The following TTLL11 variants were observed in gnomAD, a reference collection of about 807,000 sequenced individuals.
TTLL11 encodes the protein tubulin tyrosine ligase like 11.
Under a neutral mutation model 51.7 loss-of-function variants are expected in TTLL11, and 42 were observed. That is an observed-to-expected ratio of 0.81 (90% CI 0.64 to 1.05). The LOEUF (loss-of-function observed/expected upper bound fraction) is 1.05, where lower values mean the gene tolerates loss of function less well. Among genes scored for constraint, TTLL11 ranks in the 50% least tolerant of loss-of-function variants. The pLI is 0.00. For missense variants in TTLL11, 799 were observed against 940.4 expected (o/e 0.85, Z 1.97); for synonymous variants, 381 against 383.5 (o/e 0.99, Z 0.08).
intron 1 of TTLL11, among the ~76,000 whole-genome samples, chr9:122,064,170 C>T (rs1165284460): frequency 2.0e-5 from 3 of 152,128 alleles, no homozygotes; most frequent in Non-Finnish European, 2.9e-5. Flanking sequence ...CATTTTCCTT[C>T]TCAGCACCAA....
At position 121,989,886 on chromosome 9, in the gene TTLL11, C is replaced by T. The variant is rs1233257643; in HGVS notation, c.694-116G>A. ...GAGTGACAAGATGATCCCTGCCGAT[C>T]TGAGCAGGGGCTGAGCATCTTCCAT... is the stretch of plus-strand genomic sequence containing the variant. On this transcript the variant is annotated intron_variant, in intron 3 of 8. Coordinates refer to ENST00000321582, the MANE Select transcript of TTLL11 (RefSeq NM_001139442.2). This position sits in a 1 kb window ranked among gnomAD's most constrained non-coding sequence, Gnocchi z 4.2. The T allele has an allele frequency of 3.3e-6, 5 of 1,500,588 alleles. No homozygotes were observed. The highest frequency in any genetic ancestry group is 4.5e-5 in the East Asian group (2 of 44,010). The allele number at this position is 1,500,588 out of a possible 1,614,324, so 93.0% of individuals were successfully genotyped here.
rs1037468845 is a variant in TTLL11, at chr9:121,942,747, T to A, written c.1481+31262A>T. 8.7e-3 allele frequency among the ~76,000 whole-genome samples: 1,112 copies of A among 127,654 alleles called. 10 individuals are homozygous for A. Among genetic ancestry groups the A allele is most frequent in the African/African-American group, 0.038 (1,062 of 28,186 alleles). The allele number at this position is 127,654 out of a possible 152,430, so 83.7% of individuals were successfully genotyped here. On this transcript the variant is annotated intron_variant, in intron 6 of 8. Coordinates refer to ENST00000321582, the MANE Select transcript of TTLL11 (RefSeq NM_001139442.2). Reference sequence around the variant, plus strand: ...GTTTCTAATCTGTCTTATTTTTTTTTTTTTTTTTTTTTTTGCCTGAATATA... The same window carrying A: ...GTTTCTAATCTGTCTTATTTTTTTTATTTTTTTTTTTTTTGCCTGAATATA...
rs1387425682 is a variant in TTLL11, at chr9:121,980,355, C to T, written c.1270-5376G>A. Among the ~76,000 whole-genome samples, 4 of 152,272 alleles carry T rather than the reference C, an allele frequency of 2.6e-5. No individual in the cohort carries two copies. The East Asian group carries it at 5.8e-4, about 22-fold the overall frequency. On this transcript the variant is annotated intron_variant, in intron 4 of 8. Transcript: ENST00000321582. ...AGACTATAAAATAAGGAAATATCCT[C>T]GTGCCTTACCTCTTTCATAGTAAGG...
chr9:122,076,717 C>CAAAAAAAAAA (rs577577338), intron 1 of TTLL11, among the ~76,000 whole-genome samples: 1 of 101,518 alleles, frequency 9.9e-6, no homozygotes. Flanking sequence ...AGATCACCAT[C>CAAAAAAAAAA]AAAAAAAAAA....
At chr9:121,953,314 T>C (rs1841904798) in intron 6 of TTLL11, among the ~76,000 whole-genome samples, 1 of 152,090 alleles carries the variant, frequency 6.6e-6, no homozygotes, top group Non-Finnish European at 1.5e-5. Context: ...GTGGGTCAAA[T>C]GCCAATAAGA....
chr9:122,043,222 G>A (rs1250577353), intron 1 of TTLL11, among the ~76,000 whole-genome samples: 1 of 152,012 alleles, frequency 6.6e-6, no homozygotes, highest in Non-Finnish European at 1.5e-5. Flanking sequence ...ATTTTGCTGT[G>A]AACCAAAAAT....
chr9:121,993,200 GGAT>G (rs1419651732), intron 3 of TTLL11, among the ~76,000 whole-genome samples: 5 of 152,286 alleles, frequency 3.3e-5, no homozygotes, highest in African/African-American at 1.2e-4. Flanking sequence ...TTCTGGACAT[GGAT>G]GATAGTTGTA....
chr9:121,975,578 G>GGCGC (rs1842686177), intron 4 of TTLL11, among the ~76,000 whole-genome samples: 1 of 152,138 alleles, frequency 6.6e-6, no homozygotes, highest in Non-Finnish European at 1.5e-5. Flanking sequence ...TGGGTGTCGT[G>GGCGC]GCGCGAATCT....
intron 7 of TTLL11, among the ~76,000 whole-genome samples, chr9:121,861,323 C>T (rs988054373): frequency 6.6e-6 from 1 of 152,110 alleles, no homozygotes; most frequent in African/African-American, 2.4e-5. Context: ...GTGATCCGCC[C>T]GCCTCGGCCT....
At chr9:121,992,699 T>A (rs1843149113) in intron 3 of TTLL11, among the ~76,000 whole-genome samples, 1 of 152,208 alleles carries the variant, frequency 6.6e-6, no homozygotes, top group South Asian at 2.1e-4. Flanking sequence ...TCCATTACCT[T>A]GTAACGGTAT....
intron 6 of TTLL11, among the ~76,000 whole-genome samples, chr9:121,904,081 G>A (rs1839853488): frequency 6.6e-6 from 1 of 152,180 alleles, no homozygotes; most frequent in African/African-American, 2.4e-5. Context: ...TTCTCTTGGG[G>A]GAACAGCATT....
chr9:121,876,275 C>A (rs1391721725), intron 6 of TTLL11, among the ~76,000 whole-genome samples: 1 of 152,238 alleles, frequency 6.6e-6, no homozygotes, highest in Admixed American at 6.5e-5. Flanking sequence ...CAGAAATTAA[C>A]AGAGAAGTAG....
chr9:121,867,371 C>T (rs935113433), intron 7 of TTLL11, among the ~76,000 whole-genome samples: 5 of 152,166 alleles, frequency 3.3e-5, no homozygotes, highest in African/African-American at 1.2e-4. Context: ...CACAGCCAGC[C>T]TTCCCTCCCC....
intron 1 of TTLL11, among the ~76,000 whole-genome samples, chr9:122,089,813 G>C (rs1288114094): frequency 1.3e-5 from 2 of 152,070 alleles, no homozygotes; most frequent in Non-Finnish European, 2.9e-5. Flanking sequence ...TTTAGAGACA[G>C]GGTCTTGCTC....
intron 1 of TTLL11, among the ~76,000 whole-genome samples, chr9:122,046,662 CTTTTCTCT>C (rs939718254): frequency 1.3e-5 from 2 of 152,154 alleles, no homozygotes; most frequent in Non-Finnish European, 2.9e-5. Flanking sequence ...GTCATCTTTC[CTTTTCTCT>C]TCTTCAGACA....
Position 121,833,315 on chromosome 9 carries a change from A to G in TTLL11, c.1841-10436T>C, listed in dbSNP as rs115279688. Among the ~76,000 whole-genome samples, 378 of 152,276 alleles carry G rather than the reference A, an allele frequency of 2.5e-3. 1 individual carries two copies. The highest frequency in any genetic ancestry group is 8.6e-3 in the African/African-American group (356 of 41,562). On this transcript the variant is annotated intron_variant, in intron 8 of 8. Coordinates refer to ENST00000321582, the MANE Select transcript of TTLL11 (RefSeq NM_001139442.2). Reference sequence around the variant, plus strand: ...GCGGCCCCTGACAAACGATGGCCTCATTCTGTCAATAGGCTGGGTGAGGAT... The same window carrying G: ...GCGGCCCCTGACAAACGATGGCCTCGTTCTGTCAATAGGCTGGGTGAGGAT...
chr9:121,939,050 C>T (rs1419681452), intron 6 of TTLL11, among the ~76,000 whole-genome samples: 2 of 152,200 alleles, frequency 1.3e-5, no homozygotes, highest in Non-Finnish European at 2.9e-5. Flanking sequence ...CGCAGAGGAA[C>T]TCACACATGT....
At chr9:122,082,829 C>A (rs1846032474) in intron 1 of TTLL11, among the ~76,000 whole-genome samples, 1 of 152,012 alleles carries the variant, frequency 6.6e-6, no homozygotes, top group South Asian at 2.1e-4. Context: ...GCCCAGGAGA[C>A]TAGCTTGGGC....
intron 8 of TTLL11, among the ~76,000 whole-genome samples, chr9:121,826,184 C>CCATATATATATATATA (rs1491277758): frequency 2.0e-5 from 1 of 51,120 alleles, no homozygotes; most frequent in African/African-American, 8.7e-5. Context: ...AACCAGTAAC[C>CCATATATATATATATA]TATATATATA....
Sources: gnomAD v4.1 joint callset for allele counts (sites outside exome capture counted in the v4.1 genomes callset) on GRCh38, gnomAD v4.1.1 for gene constraint, Gnocchi (gnomAD v3.1) non-coding constraint, MANE v1.5 for transcripts, NCBI Gene and HGNC (gene_info 2026-07-23, HGNC 2026-07-21) for gene names.